Variants in DLG2 observed in about 807,000 individuals in gnomAD.
DLG2 encodes disks large homolog 2.
In DLG2, 45 loss-of-function variants were observed where a neutral mutation model predicts 132.5. That is an observed-to-expected ratio of 0.34 (90% CI 0.27 to 0.44). DLG2 has a LOEUF of 0.44. DLG2 is among the 20% of genes least tolerant of loss of function. The pLI is 1.00. For missense variants in DLG2, 1,045 were observed against 1,196.9 expected, an observed-to-expected ratio of 0.87 and a Z score of 1.87; for synonymous variants, 424 against 419.6, an observed-to-expected ratio of 1.01 and a Z score of -0.13.
At chr11:83,918,390 C>T (rs534659290) in intron 15 of DLG2, among the ~76,000 whole-genome samples, 1 of 152,296 alleles carries the variant, frequency 6.6e-6, no homozygotes, top group Admixed American at 6.5e-5. Context: ...TTCACTCACA[C>T]CTATCCTGAT....
At chr11:84,914,980 G>C (rs1049045726) in intron 6 of DLG2, among the ~76,000 whole-genome samples, 3 of 152,168 alleles carry the variant, frequency 2.0e-5, no homozygotes, top group Admixed American at 1.3e-4. Context: ...CAGGGACAGG[G>C]AAGTAAGCAC....
intron 5 of DLG2, among the ~76,000 whole-genome samples, chr11:85,115,182 A>C (rs1383390498): frequency 6.6e-6 from 1 of 151,780 alleles, no homozygotes; most frequent in African/African-American, 2.4e-5. Context: ...ACCAAAATAC[A>C]CTCCATGAAT....
chr11:83,813,451 C>T (rs1454198382), intron 17 of DLG2, among the ~76,000 whole-genome samples: 3 of 152,090 alleles, frequency 2.0e-5, no homozygotes, highest in Non-Finnish European at 2.9e-5. Flanking sequence ...TAAATGCCTG[C>T]AGATGGTCAG....
intron 3 of DLG2, among the ~76,000 whole-genome samples, chr11:85,313,796 AAACT>A (rs910752569): frequency 6.6e-6 from 1 of 151,922 alleles, no homozygotes; most frequent in African/African-American, 2.4e-5. Flanking sequence ...CAGCAGTTAA[AAACT>A]CTTGAGCAAT....
intron 6 of DLG2, among the ~76,000 whole-genome samples, chr11:84,682,866 G>T (rs1228983789): frequency 6.6e-6 from 1 of 152,160 alleles, no homozygotes; most frequent in African/African-American, 2.4e-5. Context: ...GTAGTGAGAA[G>T]AGGGTATGGG....
intron 6 of DLG2, chr11:84,720,442 G>A (rs1321666156): frequency 5.1e-6 from 5 of 985,240 alleles, no homozygotes; most frequent in Non-Finnish European, 4.8e-6. Context: ...GGACCCAAAC[G>A]CTGTGCTCGC....
At chr11:83,808,617 CCAGA>C (rs1422549201) in intron 17 of DLG2, among the ~76,000 whole-genome samples, 1 of 152,144 alleles carries the variant, frequency 6.6e-6, no homozygotes, top group Non-Finnish European at 1.5e-5. Flanking sequence ...TCCATGAAAC[CCAGA>C]CATATAATTC....
At chr11:84,233,597 T>A (rs1027049431) in intron 8 of DLG2, among the ~76,000 whole-genome samples, 2 of 152,096 alleles carry the variant, frequency 1.3e-5, no homozygotes, top group African/African-American at 4.8e-5. Flanking sequence ...GATAAAAGAT[T>A]AGGGTGGGGC....
Position 85,606,755 on chromosome 11 carries a change from A to C in DLG2, c.-92-7967T>G, listed in dbSNP as rs528405773. Among the ~76,000 whole-genome samples, 4 of 152,230 alleles carry C rather than the reference A, an allele frequency of 2.6e-5. No homozygotes were observed. In the East Asian group the frequency reaches 7.7e-4, roughly 29 times the overall value. ...GCGAAGGTCTGCAGCTTCACTCCTG[A>C]AGTCAGCGAGACCATAAACCCACCA... On this transcript the variant is annotated intron_variant, in intron 2 of 27. Transcript: ENST00000376104.
intron 11 of DLG2, among the ~76,000 whole-genome samples, chr11:84,015,522 C>G (rs2095130239): frequency 6.6e-6 from 1 of 152,134 alleles, no homozygotes; most frequent in Admixed American, 6.6e-5. Context: ...CTTCCTGATG[C>G]TCTCCCTTTT....
At chr11:84,431,008 T>C (rs1011448162) in intron 7 of DLG2, among the ~76,000 whole-genome samples, 2 of 152,120 alleles carry the variant, frequency 1.3e-5, no homozygotes, top group African/African-American at 4.8e-5. Context: ...CAATCTACTA[T>C]GAGGCAAAAA....
At chr11:84,942,435 A>AT (rs1260906351) in intron 6 of DLG2, among the ~76,000 whole-genome samples, 1 of 151,878 alleles carries the variant, frequency 6.6e-6, no homozygotes, top group African/African-American at 2.4e-5. Flanking sequence ...CTCCATTTTT[A>AT]TTTTTTAAGA....
At chr11:83,511,401 C>T (rs1169558827) in intron 21 of DLG2, among the ~76,000 whole-genome samples, 2 of 152,060 alleles carry the variant, frequency 1.3e-5, no homozygotes, top group East Asian at 1.9e-4. Flanking sequence ...GACATTTTTA[C>T]GGTCTACTCA....
chr11:84,253,632 TAAC>T (rs1281446237), intron 7 of DLG2, among the ~76,000 whole-genome samples: 1 of 152,116 alleles, frequency 6.6e-6, no homozygotes, highest in African/African-American at 2.4e-5. Flanking sequence ...AAGGCAATAA[TAAC>T]AATAATTACT....
At chr11:84,244,453 T>C (rs2097275932) in intron 8 of DLG2, among the ~76,000 whole-genome samples, 1 of 152,202 alleles carries the variant, frequency 6.6e-6, no homozygotes, top group Admixed American at 6.5e-5. Flanking sequence ...CCCAAAGTGC[T>C]GGGATTACAG....
intron 3 of DLG2, among the ~76,000 whole-genome samples, chr11:85,449,481 T>A (rs2092147548): frequency 6.6e-6 from 1 of 152,060 alleles, no homozygotes; most frequent in Non-Finnish European, 1.5e-5. Flanking sequence ...GAGGTCTATT[T>A]TGTAATTTTT....
chr11:83,577,351 AT>A (rs1200283978), intron 19 of DLG2, among the ~76,000 whole-genome samples: 1 of 149,072 alleles, frequency 6.7e-6, no homozygotes, highest in East Asian at 1.9e-4. Context: ...TATATATCTT[AT>A]TAGTTCTAAT....
intron 16 of DLG2, among the ~76,000 whole-genome samples, chr11:83,847,023 T>C (rs1192383846): frequency 1.3e-5 from 2 of 151,962 alleles, no homozygotes; most frequent in Admixed American, 6.6e-5. Flanking sequence ...TTTTAAGTTA[T>C]ATATACTATC....
intron 6 of DLG2, among the ~76,000 whole-genome samples, chr11:84,815,564 GTAAATT>G (rs2077002377): frequency 6.6e-6 from 1 of 151,996 alleles, no homozygotes; most frequent in South Asian, 2.1e-4. Flanking sequence ...CTAGTTTAAA[GTAAATT>G]TAAAAGAATG....
Sources: gnomAD v4.1 joint callset for allele counts (sites outside exome capture counted in the v4.1 genomes callset) on GRCh38, gnomAD v4.1.1 for gene constraint, MANE v1.5 for transcripts, NCBI Gene and HGNC (gene_info 2026-07-23, HGNC 2026-07-21) for gene names.